The following PAX3 variants were observed in gnomAD, a reference collection of about 807,000 sequenced individuals.
PAX3 encodes the protein paired box 3.
In PAX3, 14 loss-of-function variants were observed where a neutral mutation model predicts 51.6. That is an observed-to-expected ratio of 0.27 (90% confidence interval 0.18 to 0.42). The LOEUF (loss-of-function observed/expected upper bound fraction) is 0.42. Ranked by LOEUF, PAX3 falls within the 10% of genes least tolerant of loss-of-function variation. PAX3 has a pLI of 1.00. For synonymous variants in PAX3, 280 were observed against 253.4 expected (o/e 1.11, Z -1.00); for missense variants, 540 against 642.8 (o/e 0.84, Z 1.73).
chr2:222,253,692 C>CCAGT, intron 4 of PAX3, among the ~76,000 whole-genome samples: 1 of 151,912 alleles, frequency 6.6e-6, no homozygotes, highest in Middle Eastern at 3.4e-3. Context: ...AGCCTGTTGC[C>CCAGT]CAGTCTGGAG....
At chr2:222,247,753 T>C (rs1693280669) in intron 4 of PAX3, among the ~76,000 whole-genome samples, 1 of 152,174 alleles carries the variant, frequency 6.6e-6, no homozygotes, top group African/African-American at 2.4e-5. Context: ...ATTAGTGGAA[T>C]GAGGTGGACT....
At chr2:222,252,332 G>T (rs760909590) in intron 4 of PAX3, among the ~76,000 whole-genome samples, 1 of 152,248 alleles carries the variant, frequency 6.6e-6, no homozygotes, top group South Asian at 2.1e-4. Flanking sequence ...TATGCACCAG[G>T]TGCCATGCCA....
chr2:222,268,470 G>C (rs1309989189), intron 4 of PAX3, among the ~76,000 whole-genome samples: 1 of 151,558 alleles, frequency 6.6e-6, no homozygotes, highest in Non-Finnish European at 1.5e-5. Flanking sequence ...CTATCCGCCT[G>C]CTCTCTAGGT....
At chr2:222,283,156 A>G (rs1439406544) in intron 4 of PAX3, among the ~76,000 whole-genome samples, 1 of 152,260 alleles carries the variant, frequency 6.6e-6, no homozygotes, top group East Asian at 1.9e-4. Flanking sequence ...AACAATCTAC[A>G]TGTTGTTAAA....
chr2:222,217,111 C>A (rs1691992515), intron 7 of PAX3, among the ~76,000 whole-genome samples: 1 of 152,124 alleles, frequency 6.6e-6, no homozygotes, highest in African/African-American at 2.4e-5. Flanking sequence ...GGCATAAGAA[C>A]CTAAAAAGCT....
rs780318591 is a variant in PAX3 at position 222,201,259 on chromosome 2, C to T, written c.*149G>A. 1 of 1,613,842 alleles carries T rather than the reference C, an allele frequency of 6.2e-7. No individual in the cohort carries two copies. The highest frequency in any genetic ancestry group is 8.5e-7 in the Non-Finnish European group (1 of 1,179,942). ...AAACCAACTATTGGAGGAAGAAAAT[C>T]AATCACTCTCCTTTGTCTCCTATTG... On this transcript the variant is annotated 3_prime_UTR_variant, in exon 9 of 9. Transcript: ENST00000392070.
At position 222,252,228 on chromosome 2, in the gene PAX3, G is replaced by A. The variant is rs115800318; in HGVS notation, c.587-19945C>T. On this transcript the variant is annotated intron_variant, in intron 4 of 8. Transcript: ENST00000392070. Reference sequence around the variant, plus strand: ...AGCTGAGTAGTGTTAACAGAGGCCAGTGGCCCCAAAAAGCCAAAAATATTC... The same window carrying A: ...AGCTGAGTAGTGTTAACAGAGGCCAATGGCCCCAAAAAGCCAAAAATATTC... Among the ~76,000 whole-genome samples the A allele has an allele frequency of 7.1e-3, 1,083 of 152,320 alleles. 11 individuals are homozygous for A. Among genetic ancestry groups the A allele is most frequent in the African/African-American group, 0.024 (1,013 of 41,566 alleles).
intron 4 of PAX3, among the ~76,000 whole-genome samples, chr2:222,266,628 T>G (rs1301914811): frequency 6.6e-6 from 1 of 152,252 alleles, no homozygotes; most frequent in Non-Finnish European, 1.5e-5. Flanking sequence ...ACAATCTCTC[T>G]AAACTTCTGC....
Position 222,232,147 on chromosome 2 carries a change from A to G in PAX3, c.723T>C (p.Thr241=), listed in dbSNP as rs746728799. 8 of 1,614,030 alleles carry G rather than the reference A, an allele frequency of 5.0e-6. No individual in the cohort carries two copies. In the South Asian group the frequency reaches 6.6e-5, roughly 13 times the overall value. The change falls in exon 5 of 9, where the codon ACT becomes ACC. Residue 241 remains threonine (T), a synonymous_variant. Transcript: ENST00000392070. ...LEELERAFER[T]HYPDIYTREE... ...CCCTAGTATAAATGTCAGGGTAATG[A>G]GTTCTCTCAAAAGCACGCTCCAGTT...
At chr2:222,225,601 C>G (rs1000252363) in intron 5 of PAX3, among the ~76,000 whole-genome samples, 1 of 152,084 alleles carries the variant, frequency 6.6e-6, no homozygotes, top group African/African-American at 2.4e-5. Flanking sequence ...AATCTCAGCT[C>G]CTCATTTATA....
chr2:222,222,002 T>TA (rs1310650580), intron 5 of PAX3, among the ~76,000 whole-genome samples: 3 of 152,282 alleles, frequency 2.0e-5, no homozygotes, highest in Admixed American at 6.5e-5. Context: ...AGCCTTTTTT[T>TA]ATCTAAAATA....
chr2:222,264,600 T>C (rs983920582), intron 4 of PAX3: 6 of 152,122 alleles, frequency 3.9e-5, no homozygotes, highest in African/African-American at 1.4e-4. Context: ...CCATGATAAT[T>C]TCAAAAAATA....
chr2:222,239,643 G>A (rs1279829840), intron 4 of PAX3, among the ~76,000 whole-genome samples: 1 of 151,970 alleles, frequency 6.6e-6, no homozygotes, highest in Non-Finnish European at 1.5e-5. Context: ...ACTAGGGTCC[G>A]AGTAATTGTT....
In PAX3 at chr2:222,232,229, G is replaced by A; in HGVS notation, c.641C>T (p.Pro214Leu). The A allele has an allele frequency of 6.2e-7, 1 of 1,614,022 alleles. No individual in the cohort carries two copies. Among genetic ancestry groups the A allele is most frequent in the South Asian group, 1.1e-5 (1 of 91,068 alleles). ...GCTTCTGCGCTGTTTCCTCTTTAGTGGTAAATCTGGTTCAGAGTCAATATC... is the reference window on the plus strand; with the variant it reads ...GCTTCTGCGCTGTTTCCTCTTTAGTAGTAAATCTGGTTCAGAGTCAATATC... ...GSDIDSEPDLPLKRKQRRSRT... is the reference protein window; with the variant it reads ...GSDIDSEPDLLLKRKQRRSRT... Residue 214 changes from proline (P) to leucine (L), a missense_variant, in exon 5 of 9, where the codon CCA becomes CTA. By Grantham distance (98) the Pro-to-Leu change is moderately conservative. Transcript: ENST00000392070.
At chr2:222,231,268 GACTTA>G (rs1692583364) in intron 5 of PAX3, among the ~76,000 whole-genome samples, 2 of 152,196 alleles carry the variant, frequency 1.3e-5, no homozygotes. Flanking sequence ...CAGACAAGGT[GACTTA>G]ACTTCTAGGG....
chr2:222,288,759 C>T (rs1243669700), intron 4 of PAX3, among the ~76,000 whole-genome samples: 1 of 152,226 alleles, frequency 6.6e-6, no homozygotes, highest in Admixed American at 6.5e-5. Flanking sequence ...TGAGTCTTCT[C>T]TACAAACCTA....
chr2:222,288,168 A>G (rs1196794699), intron 4 of PAX3, among the ~76,000 whole-genome samples: 1 of 152,248 alleles, frequency 6.6e-6, no homozygotes, highest in Non-Finnish European at 1.5e-5. Flanking sequence ...CTCAAAATCA[A>G]CAGTTTAAAA....
At chr2:222,266,603 C>A (rs1411372892) in intron 4 of PAX3, among the ~76,000 whole-genome samples, 1 of 152,210 alleles carries the variant, frequency 6.6e-6, no homozygotes, top group Non-Finnish European at 1.5e-5. Context: ...AGCTCTGCCC[C>A]TTAACAGCTG....
intron 4 of PAX3, chr2:222,263,075 C>T (rs914868281): frequency 6.6e-6 from 1 of 152,118 alleles, no homozygotes; most frequent in Admixed American, 6.6e-5. Context: ...AGATGTGATG[C>T]TTAAAAGCAC....
Sources: allele counts gnomAD v4.1 joint callset (sites outside exome capture counted in the v4.1 genomes callset), GRCh38; gene constraint gnomAD v4.1.1; transcripts MANE v1.5; gene names NCBI Gene and HGNC (gene_info 2026-07-23, HGNC 2026-07-21).